CDKN2AIP: variants seen among roughly 807,000 people sequenced by gnomAD.
The protein encoded by CDKN2AIP is CDKN2A-interacting protein.
Under a neutral mutation model 44.1 loss-of-function variants are expected in CDKN2AIP, and 12 were observed. That is an observed-to-expected ratio of 0.27 (90% CI 0.17 to 0.44). The LOEUF is 0.44. CDKN2AIP is among the 20% of genes least tolerant of loss of function. CDKN2AIP has a pLI of 1.00. For missense variants in CDKN2AIP, 705 were observed against 681.6 expected (o/e 1.03, Z -0.38); for synonymous variants, 291 against 272.1 (o/e 1.07, Z -0.68).
rs769191326 is a variant in CDKN2AIP at position 183,446,714 on chromosome 4, T to G, written c.1030T>G (p.Leu344Val). Residue 344 changes from leucine to valine, a missense_variant, in exon 3 of 3, where the codon TTA (leucine) becomes GTA (valine). Physicochemically the swap from Leu to Val is conservative, Grantham distance 32 (BLOSUM62 1). Around this residue, in one of 2 missense-constraint regions of CDKN2AIP, gnomAD observed 592 missense variants for 518.0 expected, o/e 1.14. Coordinates refer to ENST00000504169, the MANE Select transcript of CDKN2AIP (RefSeq NM_017632.4). The part of the protein sequence containing the change: ...AKNSSSSGTS[L>V]LTPKSSSSTN... ...AAACAGTTCCTCATCAGGCACATCC[T>G]TACTGACTCCCAAGAGCAGCTCTTC... 1 of 1,614,236 alleles carries G rather than the reference T, an allele frequency of 6.2e-7. No individual in the cohort carries two copies. The highest frequency in any genetic ancestry group is 1.1e-5 in the South Asian group (1 of 91,092).
At chr4:183,445,238 A>G (rs60859754) in intron 1 of CDKN2AIP, 169 bp downstream of exon 1, 46,265 of 785,288 alleles carry the variant, frequency 0.059, 2,378 homozygotes, top group Admixed American at 0.16. Context: ...CCCTGCGAGG[A>G]GCCGACATGA....
chr4:183,445,309 A>G (rs970534334), intron 1 of CDKN2AIP: 1 of 626,444 alleles, frequency 1.6e-6, no homozygotes, highest in Non-Finnish European at 2.7e-6. Flanking sequence ...TGCTTGTGTT[A>G]GGGAACAACG....
Position 183,447,393 on chromosome 4 carries a change from C to T in CDKN2AIP, c.1709C>T (p.Pro570Leu), listed in dbSNP as rs760677539. ...LDEESRPVNL[P>L]PALKHPQELL ...GAAGAATCGAGGCCTGTAAACTTAC[C>T]TCCAGCACTAAAACATCCTCAAGAA... The change falls in exon 3 of 3, where the codon CCT becomes CTT. Residue 570 changes from proline (P) to leucine (L), a missense_variant. Transcript: ENST00000504169. The T allele has an allele frequency of 1.3e-6, 2 of 1,547,526 alleles. No individual in the cohort carries two copies. The highest frequency in any genetic ancestry group is 1.7e-6 in the Non-Finnish European group (2 of 1,151,910).
In CDKN2AIP at chr4:183,445,477, GC is replaced by G. The variant is rs200915094; in HGVS notation, c.273-57del. 1.3e-4 allele frequency: 172 copies of G among 1,338,990 alleles called. 3 individuals carry two copies. The African/African-American group carries it at 3.3e-3, about 25-fold the overall frequency. The allele number at this position is 1,338,990 out of a possible 1,614,324, so 82.9% of individuals were successfully genotyped here. On this transcript the variant is annotated intron_variant, in intron 1 of 2. Coordinates refer to ENST00000504169, the MANE Select transcript of CDKN2AIP (RefSeq NM_017632.4). ...ATGCAGTCCCTGTGGCCTGTTTTTT[GC>G]ACAAGTAGGACCTTAGAAAAAACAC...
rs901340479 is a variant in CDKN2AIP, at chr4:183,446,486, T to C, written c.802T>C (p.Ser268Pro). 1.2e-6 allele frequency: 2 copies of C among 1,613,906 alleles called. No homozygotes were observed. The highest frequency in any genetic ancestry group is 2.2e-5 in the East Asian group (1 of 44,886). The change falls in exon 3 of 3, where the codon TCA becomes CCA. Residue 268 changes from serine to proline, a missense_variant. By Grantham distance (74) the Ser-to-Pro change is moderately conservative. Coordinates refer to ENST00000504169, the MANE Select transcript of CDKN2AIP (RefSeq NM_017632.4). The part of the protein sequence containing the change: ...QSTDSRQQSG[S>P]PKKSALEGSS... ...CACTGATTCTAGACAACAAAGTGGA[T>C]CACCTAAAAAGAGTGCTTTGGAAGG...
chr4:183,447,299 AAGG>A lies in CDKN2AIP; in HGVS notation c.1616_1618del (p.Lys539_Val540delinsMet). ...AGCATTGAAGTTATTTCTCAAGAAA[AAGG>A]TGGTGGTAAAAATATGTAAAAGGAA... is the stretch of plus-strand genomic sequence containing the variant. On this transcript the variant is annotated inframe_deletion, in exon 3 of 3. Transcript: ENST00000504169. 1 of 1,612,656 alleles carries A rather than the reference AAGG, an allele frequency of 6.2e-7. No individual in the cohort carries two copies. The highest frequency in any genetic ancestry group is 2.2e-5 in the East Asian group (1 of 44,872).
chr4:183,444,762 C>G lies in CDKN2AIP; in HGVS notation c.-36C>G. ...CTCGCCCCGCTAGTCCTGCCTGTCT[C>G]CCGGTGCAGCTGTGTTCGCGGCCTG... On this transcript the variant is annotated 5_prime_UTR_variant, in exon 1 of 3. Transcript: ENST00000504169. 1.3e-6 allele frequency: 2 copies of G among 1,484,366 alleles called. No homozygotes were observed. The highest frequency in any genetic ancestry group is 2.5e-5 in the East Asian group (1 of 39,616). 91.9% of individuals were successfully genotyped at this position (1,484,366 alleles called of 1,614,324 possible).
chr4:183,445,597 C>T lies in CDKN2AIP; in HGVS notation c.335C>T (p.Ala112Val). Residue 112 changes from alanine to valine, a missense_variant, in exon 2 of 3, where the codon GCT becomes GTT. Physicochemically the swap from Ala to Val is moderately conservative, Grantham distance 64. Coordinates refer to ENST00000504169, the MANE Select transcript of CDKN2AIP (RefSeq NM_017632.4). ...GCTGAAGGCATCAAAGTGACAGATGCTCCAACCTATACAACAAGAGATGAA... is the reference window on the plus strand; with the variant it reads ...GCTGAAGGCATCAAAGTGACAGATGTTCCAACCTATACAACAAGAGATGAA... ...SMAEGIKVTD[A>V]PTYTTRDELV... 1 of 1,608,966 alleles carries T rather than the reference C, an allele frequency of 6.2e-7. No homozygotes were observed.
chr4:183,444,984 G>A lies in CDKN2AIP; in HGVS notation c.187G>A (p.Ala63Thr). Residue 63 changes from alanine (A) to threonine (T), a missense_variant, in exon 1 of 3, where the codon GCC becomes ACC. This residue lies in a region of CDKN2AIP where 592 missense variants were observed against 518.0 expected (regional missense o/e 1.14). Coordinates refer to ENST00000504169, the MANE Select transcript of CDKN2AIP (RefSeq NM_017632.4). Reference sequence around the variant, plus strand: ...CGCTAGCACGGATGAAGCTGCCGACGCCGAGAGCGGGACCCGAAACCGGCA... The same window carrying A: ...CGCTAGCACGGATGAAGCTGCCGACACCGAGAGCGGGACCCGAAACCGGCA... ...ASASTDEAAD[A>T]ESGTRNRQLQ... 1 of 1,608,614 alleles carries A rather than the reference G, an allele frequency of 6.2e-7. No individual in the cohort carries two copies. Among genetic ancestry groups the A allele is most frequent in the African/African-American group, 1.3e-5 (1 of 74,948 alleles).
chr4:183,444,923 C>T lies in CDKN2AIP; in HGVS notation c.126C>T (p.Asn42=), dbSNP rs375502536. 1.2e-6 allele frequency: 2 copies of T among 1,610,884 alleles called. No individual in the cohort carries two copies. Among genetic ancestry groups the T allele is most frequent in the African/African-American group, 2.7e-5 (2 of 75,004 alleles). The stretch of plus-strand genomic sequence containing the variant: ...ACCGCCGGGATTTTTTGCTTCGCAA[C>T]GCCGGGGACCTGGCCCCCGCTGGCG... The part of the protein sequence containing the change: ...WRHRRDFLLR[N]AGDLAPAGGA... The change falls in exon 1 of 3, where the codon AAC becomes AAT. Residue 42 remains asparagine (N), a synonymous_variant. Coordinates refer to ENST00000504169, the MANE Select transcript of CDKN2AIP (RefSeq NM_017632.4).
At chr4:183,445,203 T>C (rs1191968869) in intron 1 of CDKN2AIP, 134 bp downstream of exon 1, 1 of 1,165,294 alleles carries the variant, frequency 8.6e-7, no homozygotes, top group East Asian at 2.5e-5. Context: ...CCGGCCCGGC[T>C]GCCCTCTAAG....
intron 1 of CDKN2AIP, chr4:183,445,318 C>A (rs1560947725): frequency 1.6e-6 from 1 of 621,254 alleles, no homozygotes. Flanking sequence ...TAGGGAACAA[C>A]GCTCTTGGGG....
rs1733715438 is a variant in CDKN2AIP, at chr4:183,447,800, C to T, written c.*373C>T. 6.3e-6 allele frequency: 1 copy of T among 157,842 alleles called. No individual in the cohort carries two copies. Among genetic ancestry groups the T allele is most frequent in the Admixed American group, 6.5e-5 (1 of 15,498 alleles). 9.8% of individuals were successfully genotyped at this position (157,842 alleles called of 1,614,324 possible). On this transcript the variant is annotated 3_prime_UTR_variant, in exon 3 of 3. Transcript: ENST00000504169. ...TGTTTTCTTTTCTAGCTGAATAAAC[C>T]ACATCAAAGGAAAGGGACCACAGTA...
rs771017326 is a variant in CDKN2AIP at position 183,447,388 on chromosome 4, C to T, written c.1704C>T (p.Asn568=). The T allele has an allele frequency of 3.9e-6, 6 of 1,554,780 alleles. No homozygotes were observed. The East Asian group carries it at 1.3e-4, about 35-fold the overall frequency. ...TTGATGAAGAATCGAGGCCTGTAAA[C>T]TTACCTCCAGCACTAAAACATCCTC... ...VLLDEESRPV[N]LPPALKHPQE... Residue 568 remains asparagine (N), a synonymous_variant, in exon 3 of 3, where the codon AAC becomes AAT. Coordinates refer to ENST00000504169, the MANE Select transcript of CDKN2AIP (RefSeq NM_017632.4).
chr4:183,447,552 A>G lies in CDKN2AIP; in HGVS notation c.*125A>G. 1 of 658,030 alleles carries G rather than the reference A, an allele frequency of 1.5e-6. No homozygotes were observed. Among genetic ancestry groups the G allele is most frequent in the Non-Finnish European group, 2.6e-6 (1 of 387,130 alleles). 40.8% of individuals were successfully genotyped at this position (658,030 alleles called of 1,614,324 possible). On this transcript the variant is annotated 3_prime_UTR_variant, in exon 3 of 3. Coordinates refer to ENST00000504169, the MANE Select transcript of CDKN2AIP (RefSeq NM_017632.4). ...TTTTTTCCAGTTTTGCAGAAAATTT[A>G]CATTCTAGTTCTCTTCACACAGTAG...
rs1202502335 is a variant in CDKN2AIP, at chr4:183,444,932, C to T, written c.135C>T (p.Asp45=). The T allele has an allele frequency of 6.2e-7, 1 of 1,611,164 alleles. No homozygotes were observed. Among genetic ancestry groups the T allele is most frequent in the African/African-American group, 1.3e-5 (1 of 74,896 alleles). Residue 45 remains aspartate, a synonymous_variant, in exon 1 of 3, where the codon GAC becomes GAT. Coordinates refer to ENST00000504169, the MANE Select transcript of CDKN2AIP (RefSeq NM_017632.4). ...ATTTTTTGCTTCGCAACGCCGGGGACCTGGCCCCCGCTGGCGGCGCTGCCT... is the reference window on the plus strand; with the variant it reads ...ATTTTTTGCTTCGCAACGCCGGGGATCTGGCCCCCGCTGGCGGCGCTGCCT... The part of the protein sequence containing the change: ...RRDFLLRNAG[D]LAPAGGAASA...
Position 183,447,570 on chromosome 4 carries a change from C to G in CDKN2AIP, c.*143C>G. On this transcript the variant is annotated 3_prime_UTR_variant, in exon 3 of 3. Transcript: ENST00000504169. ...AAAATTTACATTCTAGTTCTCTTCACACAGTAGCAGTTGTAAATAATTTAT... is the reference window on the plus strand; with the variant it reads ...AAAATTTACATTCTAGTTCTCTTCAGACAGTAGCAGTTGTAAATAATTTAT... The G allele has an allele frequency of 3.5e-6, 2 of 575,658 alleles. No homozygotes were observed. Among genetic ancestry groups the G allele is most frequent in the Non-Finnish European group, 6.1e-6 (2 of 329,634 alleles). 35.7% of individuals were successfully genotyped at this position (575,658 alleles called of 1,614,324 possible). A position where few individuals can be genotyped will look rare whatever the true frequency, so the allele number is the denominator to read the frequency against.
chr4:183,445,831 T>G, intron 2 of CDKN2AIP, 166 bp downstream of exon 2: 1 of 655,972 alleles, frequency 1.5e-6, no homozygotes, highest in Non-Finnish European at 2.6e-6. Context: ...TCTTTAGGCT[T>G]TGAATTTGAT....
In CDKN2AIP at chr4:183,444,711, G is replaced by A. The variant is rs1467518816; in HGVS notation, c.-87G>A. ...GGAGGGGCGTTATCTGGAGGGCCGCGGGTGCAGGCCGCAGTGACAGGGCCG... is the reference window on the plus strand; with the variant it reads ...GGAGGGGCGTTATCTGGAGGGCCGCAGGTGCAGGCCGCAGTGACAGGGCCG... On this transcript the variant is annotated 5_prime_UTR_variant, in exon 1 of 3. Transcript: ENST00000504169. The A allele has an allele frequency of 6.7e-6, 9 of 1,339,472 alleles. No homozygotes were observed. The Admixed American group carries it at 8.7e-5, about 13-fold the overall frequency. 83.0% of individuals were successfully genotyped at this position (1,339,472 alleles called of 1,614,324 possible). A position where few individuals can be genotyped will look rare whatever the true frequency, so the allele number is the denominator to read the frequency against.
Sources: allele counts gnomAD v4.1 joint callset, GRCh38; gene constraint gnomAD v4.1.1; regional missense constraint gnomAD v4.1.1; transcripts MANE v1.5; gene names NCBI Gene and HGNC (gene_info 2026-07-23, HGNC 2026-07-21).